Variants in PADI3 observed in about 807,000 individuals in gnomAD.
PADI3 encodes protein-arginine deiminase type-3.
In PADI3, 53 loss-of-function variants were observed where a neutral mutation model predicts 71.5. That is an observed-to-expected ratio of 0.74 (90% CI 0.59 to 0.93). The LOEUF is 0.93. Ranked by LOEUF, PADI3 falls within the 40% of genes least tolerant of loss-of-function variation. PADI3 has a pLI of 0.00. For synonymous variants in PADI3, 361 were observed against 347.5 expected (o/e 1.04, Z -0.43); for missense variants, 821 against 868.0 (o/e 0.95, Z 0.68).
intron 1 of PADI3, among the ~76,000 whole-genome samples, chr1:17,253,950 C>A (rs1295834580): frequency 1.3e-5 from 2 of 152,224 alleles, no homozygotes; most frequent in African/African-American, 4.8e-5. Context: ...AGTCCCCTCC[C>A]TGATTTGACA....
chr1:17,259,595 C>T lies in PADI3; in HGVS notation c.110C>T (p.Thr37Ile). 1 of 1,609,774 alleles carries T rather than the reference C, an allele frequency of 6.2e-7. No homozygotes were observed. The change falls in exon 2 of 16, where the codon ACA (threonine) becomes ATA (isoleucine). Residue 37 changes from threonine to isoleucine, a missense_variant. By Grantham distance (89) the Thr-to-Ile change is moderately conservative. Transcript: ENST00000375460. ...VDIYGSVPEG[T>I]EMFEVYGTPG... Reference sequence around the variant, plus strand: ...CTGCCCAGGTCAGTGCCTGAGGGCACAGAAATGTTTGAGGTCTATGGGACG... The same window carrying T: ...CTGCCCAGGTCAGTGCCTGAGGGCATAGAAATGTTTGAGGTCTATGGGACG...
intron 6 of PADI3, among the ~76,000 whole-genome samples, chr1:17,268,787 G>A (rs529772295): frequency 5.9e-5 from 9 of 152,018 alleles, no homozygotes; most frequent in East Asian, 3.9e-4. Flanking sequence ...GATTATAGGC[G>A]TGAGCCACCG....
chr1:17,276,699 A>G, intron 12 of PADI3, 36 bp downstream of exon 12: 7 of 1,614,020 alleles, frequency 4.3e-6, no homozygotes, highest in Non-Finnish European at 5.9e-6. Context: ...TTTCCCTGGC[A>G]TCTGGGGCAA....
intron 9 of PADI3, among the ~76,000 whole-genome samples, chr1:17,271,459 C>T (rs999802614): frequency 1.3e-5 from 2 of 152,356 alleles, no homozygotes; most frequent in Admixed American, 1.3e-4. Flanking sequence ...CCCTCAACAG[C>T]TGAGACCAGT....
rs945608213 is a variant in PADI3 at position 17,249,207 on chromosome 1, G to GAGAC, written c.71_74dup (p.Leu26AspfsTer11). 5.0e-5 allele frequency: 81 copies of GAGAC among 1,614,092 alleles called. No individual in the cohort carries two copies. The highest frequency in any genetic ancestry group is 6.6e-5 in the Non-Finnish European group (78 of 1,179,946). ...CAGCGCGGTGTGTGTGGCTGGCGTG[G>GAGAC]AGACCCTCGTGGACATTTATGGGTA... On this transcript the variant is annotated frameshift_variant, in exon 1 of 16. Coordinates refer to ENST00000375460, the MANE Select transcript of PADI3 (RefSeq NM_016233.2). LOFTEE classifies it high-confidence loss of function.
chr1:17,270,469 T>C (rs1169631977), intron 7 of PADI3, 58 bp downstream of exon 7: 45 of 1,448,988 alleles, frequency 3.1e-5, no homozygotes, highest in Non-Finnish European at 4.2e-5. Flanking sequence ...GGCAACATGG[T>C]GAAACCCCAT....
intron 1 of PADI3, among the ~76,000 whole-genome samples, chr1:17,256,747 C>G (rs2073032926): frequency 6.6e-6 from 1 of 152,156 alleles, no homozygotes; most frequent in South Asian, 2.1e-4. Context: ...AAAAAGTGTA[C>G]AGGCTTCAGC....
At position 17,270,304 on chromosome 1, in the gene PADI3, T is replaced by C; in HGVS notation, c.724T>C (p.Leu242=). ...QDKVSYEVPR[L]HGDEERFFVE... ...TAAGGTGTCCTATGAGGTACCCCGC[T>C]TGCATGGGGATGAGGAGCGCTTCTT... The change falls in exon 7 of 16, where the codon TTG becomes CTG. Residue 242 remains leucine (L), a synonymous_variant. Coordinates refer to ENST00000375460, the MANE Select transcript of PADI3 (RefSeq NM_016233.2). 11 of 1,614,004 alleles carry C rather than the reference T, an allele frequency of 6.8e-6. No homozygotes were observed. Among genetic ancestry groups the C allele is most frequent in the Non-Finnish European group, 9.3e-6 (11 of 1,179,998 alleles).
Position 17,266,734 on chromosome 1 carries a change from G to C in PADI3, c.424G>C (p.Gly142Arg), listed in dbSNP as rs147550862. ...TCATTGGCAGCGGCAGTGGGTCTGG[G>C]GGCCCAGTGGGTATGGCGGCATCTT... Reference protein sequence around the residue: ...NFVDKRQWVWGPSGYGGILLV... With the variant: ...NFVDKRQWVWRPSGYGGILLV... Residue 142 changes from glycine to arginine, a missense_variant, in exon 5 of 16, where the codon GGG (glycine) becomes CGG (arginine). Coordinates refer to ENST00000375460, the MANE Select transcript of PADI3 (RefSeq NM_016233.2). The C allele has an allele frequency of 1.2e-5, 19 of 1,613,978 alleles. No individual in the cohort carries two copies. Among genetic ancestry groups the C allele is most frequent in the Non-Finnish European group, 1.6e-5 (19 of 1,179,984 alleles).
At chr1:17,277,474 C>T (rs1241010224) in intron 13 of PADI3, among the ~76,000 whole-genome samples, 1 of 152,214 alleles carries the variant, frequency 6.6e-6, no homozygotes, top group Non-Finnish European at 1.5e-5. Flanking sequence ...GGATTACAGG[C>T]GTGAGCCACC....
Position 17,265,720 on chromosome 1 carries a change from G to A in PADI3, c.408G>A (p.Lys136=), listed in dbSNP as rs926001906. ...GGCAGGACAGGAACTTTGTAGACAAGGTAAGCATCTCTGCCTGGGCCCAGG... is the reference window on the plus strand; with the variant it reads ...GGCAGGACAGGAACTTTGTAGACAAAGTAAGCATCTCTGCCTGGGCCCAGG... ...EGRQDRNFVD[K]RQWVWGPSGY... Residue 136 remains lysine, a splice_region_variant and synonymous_variant, in exon 4 of 16, where the codon AAG becomes AAA. Coordinates refer to ENST00000375460, the MANE Select transcript of PADI3 (RefSeq NM_016233.2). 1 of 1,614,046 alleles carries A rather than the reference G, an allele frequency of 6.2e-7. No individual in the cohort carries two copies. Among genetic ancestry groups the A allele is most frequent in the African/African-American group, 1.3e-5 (1 of 75,050 alleles).
At chr1:17,274,990 G>A (rs1282833673) in intron 11 of PADI3, among the ~76,000 whole-genome samples, 1 of 152,188 alleles carries the variant, frequency 6.6e-6, no homozygotes, top group African/African-American at 2.4e-5. Context: ...ACCAGAGAGA[G>A]CAGAGACCTA....
At chr1:17,277,649 C>T (rs1033207790) in intron 13 of PADI3, among the ~76,000 whole-genome samples, 2 of 152,228 alleles carry the variant, frequency 1.3e-5, no homozygotes, top group Non-Finnish European at 2.9e-5. Context: ...CCTGGAGCCT[C>T]AGTGCAAGGC....
At position 17,259,811 on chromosome 1, in the gene PADI3, A is replaced by G. The variant is rs866205068; in HGVS notation, c.273+53A>G. ...GAGGTTTCGAGGGAGGCAGCTGTCT[A>G]GCTCTAGGAGGGCCCAACATTCTCT... is the stretch of plus-strand genomic sequence containing the variant. On this transcript the variant is annotated intron_variant, in intron 2 of 15. Transcript: ENST00000375460. 55 of 1,467,454 alleles carry G rather than the reference A, an allele frequency of 3.7e-5. 1 individual carries two copies. The South Asian group carries it at 4.2e-4, about 11-fold the overall frequency. 90.9% of individuals were successfully genotyped at this position (1,467,454 alleles called of 1,614,324 possible). A position where few individuals can be genotyped will look rare whatever the true frequency, so the allele number is the denominator to read the frequency against.
chr1:17,264,331 TAC>T (rs60223695), intron 3 of PADI3, among the ~76,000 whole-genome samples: 26,556 of 147,664 alleles, frequency 0.18, 2,336 homozygotes, highest in African/African-American at 0.21. Flanking sequence ...AAAGCATATG[TAC>T]ACACACACAC....
chr1:17,259,935 T>C (rs1287491875), intron 2 of PADI3, among the ~76,000 whole-genome samples, 177 bp downstream of exon 2: 1 of 152,218 alleles, frequency 6.6e-6, no homozygotes, highest in Non-Finnish European at 1.5e-5. Context: ...ACACATACCA[T>C]GTGTCCTTGG....
At chr1:17,280,309 G>C (rs375878627) in intron 13 of PADI3, 41 bp from the exon 14 acceptor site, 1 of 1,519,584 alleles carries the variant, frequency 6.6e-7, no homozygotes, top group Admixed American at 1.7e-5. Context: ...CCTCACGTTG[G>C]TGCTGTCCCT....
intron 5 of PADI3, among the ~76,000 whole-genome samples, chr1:17,267,525 G>T (rs957901494): frequency 6.6e-6 from 1 of 152,180 alleles, no homozygotes; most frequent in African/African-American, 2.4e-5. Flanking sequence ...CTGGGATGGA[G>T]GCCAGAACCC....
At chr1:17,271,360 G>T (rs1439331975) in intron 9 of PADI3, among the ~76,000 whole-genome samples, 182 bp downstream of exon 9, 1 of 152,092 alleles carries the variant, frequency 6.6e-6, no homozygotes, top group Non-Finnish European at 1.5e-5. Flanking sequence ...CGCTGATCCT[G>T]GATTCAACAC....
Sources: allele counts gnomAD v4.1 joint callset (sites outside exome capture counted in the v4.1 genomes callset), GRCh38; gene constraint gnomAD v4.1.1; transcripts MANE v1.5; gene names NCBI Gene and HGNC (gene_info 2026-07-23, HGNC 2026-07-21).